The following CBLB variants were observed in gnomAD, a reference collection of about 807,000 sequenced individuals.
The protein encoded by CBLB is Cbl proto-oncogene B.
In CBLB, 31 loss-of-function variants were observed where a neutral mutation model predicts 104.9. The observed-to-expected ratio is 0.30, with a 90% CI of 0.22 to 0.40. The LOEUF (loss-of-function observed/expected upper bound fraction) is 0.40, where lower values mean the gene tolerates loss of function less well. Ranked by LOEUF, CBLB falls within the 10% of genes least tolerant of loss-of-function variation. The pLI is 1.00. For synonymous variants in CBLB, 440 were observed against 422.6 expected, an observed-to-expected ratio of 1.04 and a Z score of -0.51; for missense variants, 1,062 against 1,214.6, an observed-to-expected ratio of 0.87 and a Z score of 1.87.
intron 3 of CBLB, among the ~76,000 whole-genome samples, chr3:105,837,441 T>C (rs981819836): frequency 2.6e-5 from 4 of 152,106 alleles, no homozygotes; most frequent in Non-Finnish European, 4.4e-5. Context: ...AATATAAGAA[T>C]AAGAGGAAGT....
At chr3:105,815,595 G>A (rs1031488827) in intron 3 of CBLB, among the ~76,000 whole-genome samples, 1 of 152,172 alleles carries the variant, frequency 6.6e-6, no homozygotes, top group Admixed American at 6.5e-5. Context: ...ACACACTGTT[G>A]GTGGGAGTGT....
intron 3 of CBLB, among the ~76,000 whole-genome samples, chr3:105,786,218 A>C (rs1027712701): frequency 2.0e-5 from 3 of 152,202 alleles, no homozygotes; most frequent in African/African-American, 7.2e-5. Context: ...CAGGATATAC[A>C]CAAAAAGGCA....
At chr3:105,758,499 T>C (rs1048970250) in intron 4 of CBLB, among the ~76,000 whole-genome samples, 3 of 151,694 alleles carry the variant, frequency 2.0e-5, no homozygotes, top group Non-Finnish European at 4.4e-5. Flanking sequence ...GGTTGCGCCA[T>C]TACCCGAGTT....
intron 3 of CBLB, among the ~76,000 whole-genome samples, chr3:105,850,930 T>C (rs1351040521): frequency 6.6e-6 from 1 of 152,174 alleles, no homozygotes; most frequent in Non-Finnish European, 1.5e-5. Context: ...TAGAGCCACT[T>C]TGGAACCAGT....
At position 105,660,956 on chromosome 3, in the gene CBLB, A is replaced by T. The variant is rs558199790; in HGVS notation, c.2690-1727T>A. Among the ~76,000 whole-genome samples, 17 of 142,876 alleles carry T rather than the reference A, an allele frequency of 1.2e-4. No homozygotes were observed. In the South Asian group the frequency reaches 3.6e-3, roughly 30 times the overall value. The allele number at this position is 142,876 out of a possible 152,430, so 93.7% of individuals were successfully genotyped here. A position where few individuals can be genotyped will look rare whatever the true frequency, so the allele number is the denominator to read the frequency against. Reference sequence around the variant, plus strand: ...AGCATTTGTTTCCACATCAAATAGGATGTCTTCTTCTTTTTTTTTTTTTTT... The same window carrying T: ...AGCATTTGTTTCCACATCAAATAGGTTGTCTTCTTCTTTTTTTTTTTTTTT... On this transcript the variant is annotated intron_variant, in intron 18 of 18. Transcript: ENST00000394030.
chr3:105,869,411 C>T, upstream of CBLB: 2 of 1,336,460 alleles, frequency 1.5e-6, no homozygotes, highest in Non-Finnish European at 2.0e-6. Context: ...GGCGGGACTT[C>T]CTGCTTCGCT....
chr3:105,753,367 T>TG (rs1336954452), intron 4 of CBLB, among the ~76,000 whole-genome samples: 2 of 8,938 alleles, frequency 2.2e-4, no homozygotes, highest in Non-Finnish European at 7.3e-4. Flanking sequence ...AAAATGCTGC[T>TG]GTTTTTTTTA....
At chr3:105,798,379 T>A (rs1481424432) in intron 3 of CBLB, among the ~76,000 whole-genome samples, 1 of 152,186 alleles carries the variant, frequency 6.6e-6, no homozygotes, top group Non-Finnish European at 1.5e-5. Context: ...CTCTTTGAAA[T>A]AAGACAGAAA....
At chr3:105,849,893 T>C (rs2090733812) in intron 3 of CBLB, among the ~76,000 whole-genome samples, 1 of 152,126 alleles carries the variant, frequency 6.6e-6, no homozygotes, top group Admixed American at 6.6e-5. Context: ...AGAAATACAA[T>C]GTGAAAAATA....
chr3:105,746,041 A>G lies in CBLB; in HGVS notation c.724-3T>C. 1 of 1,584,270 alleles carries G rather than the reference A, an allele frequency of 6.3e-7. No homozygotes were observed. On this transcript the variant is annotated splice_region_variant and splice_polypyrimidine_tract_variant and intron_variant, in intron 5 of 18. Coordinates refer to ENST00000394030, the MANE Select transcript of CBLB (RefSeq NM_170662.5). ...TTCCGCAAAATAGAGCCCCAAGGCT[A>G]AAAAATAAAAAAATTAAAAGAGATT...
chr3:105,685,948 T>C (rs916444336), intron 13 of CBLB, among the ~76,000 whole-genome samples: 8 of 152,168 alleles, frequency 5.3e-5, no homozygotes, highest in African/African-American at 1.9e-4. Context: ...ATATCCAGTT[T>C]AATTCTGTAA....
rs1245925965 is a variant in CBLB, at chr3:105,780,653, G to GTT, written c.420-4113_420-4112dup. ...TAAATAATTTTACAATAAAAGTTTT[G>GTT]TTTTTTGTTTTTTTTTTTTTTTTTT... On this transcript the variant is annotated intron_variant, in intron 3 of 18. Coordinates refer to ENST00000394030, the MANE Select transcript of CBLB (RefSeq NM_170662.5). 1.9e-3 allele frequency among the ~76,000 whole-genome samples: 164 copies of GTT among 84,610 alleles called. 2 individuals are homozygous for GTT. The highest frequency in any genetic ancestry group is 9.1e-3 in the Middle Eastern group (1 of 110). 55.5% of individuals were successfully genotyped at this position (84,610 alleles called of 152,430 possible).
chr3:105,859,500 AC>A (rs2091913736), intron 2 of CBLB, among the ~76,000 whole-genome samples: 1 of 151,930 alleles, frequency 6.6e-6, no homozygotes. Context: ...AAATACAAAA[AC>A]AAAATTAGCA....
intron 3 of CBLB, among the ~76,000 whole-genome samples, chr3:105,840,275 T>C (rs970339681): frequency 1.3e-5 from 2 of 152,076 alleles, no homozygotes; most frequent in Non-Finnish European, 2.9e-5. Context: ...TTCACACATG[T>C]ATATACATAA....
intron 18 of CBLB, among the ~76,000 whole-genome samples, chr3:105,663,355 C>T (rs966536121): frequency 1.3e-5 from 2 of 152,118 alleles, no homozygotes; most frequent in African/African-American, 4.8e-5. Context: ...CTTCCATAGC[C>T]CTTTGTATTT....
At chr3:105,841,448 A>C (rs1186949517) in intron 3 of CBLB, among the ~76,000 whole-genome samples, 1 of 151,756 alleles carries the variant, frequency 6.6e-6, no homozygotes, top group Non-Finnish European at 1.5e-5. Flanking sequence ...AATGGCAGAA[A>C]CCAAGATATA....
intron 3 of CBLB, among the ~76,000 whole-genome samples, chr3:105,807,766 T>A (rs1467129199): frequency 6.6e-6 from 1 of 152,198 alleles, no homozygotes; most frequent in Non-Finnish European, 1.5e-5. Context: ...CGGAATAACT[T>A]CTTTTGAAGT....
intron 3 of CBLB, among the ~76,000 whole-genome samples, chr3:105,806,943 T>C (rs1463548251): frequency 6.6e-6 from 1 of 152,184 alleles, no homozygotes; most frequent in Non-Finnish European, 1.5e-5. Flanking sequence ...AAACTAAAAA[T>C]GGAACCATAT....
At chr3:105,793,618 A>C (rs2081943193) in intron 3 of CBLB, among the ~76,000 whole-genome samples, 4 of 152,186 alleles carry the variant, frequency 2.6e-5, no homozygotes, top group Admixed American at 2.6e-4. Flanking sequence ...AAGGAAAAGA[A>C]TCTCAGGAAA....
Sources: gnomAD v4.1 joint callset for allele counts (sites outside exome capture counted in the v4.1 genomes callset) on GRCh38, gnomAD v4.1.1 for gene constraint, MANE v1.5 for transcripts, NCBI Gene and HGNC (gene_info 2026-07-23, HGNC 2026-07-21) for gene names.